CCDC33: variants seen among roughly 807,000 people sequenced by gnomAD.
CCDC33 encodes the protein coiled-coil domain containing 33.
A neutral mutation model predicts 91.9 loss-of-function variants in CCDC33; 94 were observed. The ratio of observed to expected loss-of-function variants is 1.02; its 90% CI spans 0.87 to 1.21. The LOEUF (loss-of-function observed/expected upper bound fraction) is 1.21, where lower values mean the gene tolerates loss of function less well. Among genes scored for constraint, CCDC33 ranks in the 50% most tolerant of loss-of-function variants. The pLI, the probability that CCDC33 is intolerant of heterozygous loss-of-function variation, is 0.00. For synonymous variants in CCDC33, 396 were observed against 374.5 expected (o/e 1.06, Z -0.66); for missense variants, 940 against 935.5 (o/e 1.00, Z -0.06).
intron 11 of CCDC33, among the ~76,000 whole-genome samples, chr15:74,315,392 C>T (rs1476482557): frequency 6.6e-6 from 1 of 152,158 alleles, no homozygotes; most frequent in African/African-American, 2.4e-5. Flanking sequence ...GAGCCAGCCC[C>T]AGGGTCCGGA....
At chr15:74,336,301 A>G (rs557160903), downstream of CCDC33, 582 of 1,407,240 alleles carry the variant, frequency 4.1e-4, 1 homozygote, top group Non-Finnish European at 5.1e-4. Flanking sequence ...CAGTGGACCC[A>G]GGAGGGTGGA....
chr15:74,291,459 G>C (rs1000703928), intron 10 of CCDC33, among the ~76,000 whole-genome samples: 1 of 152,264 alleles, frequency 6.6e-6, no homozygotes, highest in South Asian at 2.1e-4. Flanking sequence ...CCTAATGAGC[G>C]GGATACAGGC....
chr15:74,257,764 C>T (rs906829952), intron 2 of CCDC33, among the ~76,000 whole-genome samples: 1 of 152,220 alleles, frequency 6.6e-6, no homozygotes, highest in Non-Finnish European at 1.5e-5. Context: ...ACACAGGAAC[C>T]CAGACTTTGG....
At chr15:74,272,026 C>G (rs1370472040) in intron 6 of CCDC33, among the ~76,000 whole-genome samples, 3 of 152,210 alleles carry the variant, frequency 2.0e-5, no homozygotes, top group Non-Finnish European at 2.9e-5. Context: ...CAGCTCAGTC[C>G]TCTCCTGAGA....
chr15:74,271,802 G>A lies in CCDC33; in HGVS notation c.638+8G>A. On this transcript the variant is annotated splice_region_variant and intron_variant, in intron 6 of 18. Coordinates refer to ENST00000398814, the MANE Select transcript of CCDC33 (RefSeq NM_025055.5). The stretch of plus-strand genomic sequence containing the variant: ...CAACTACAAGGAATTTAAGTGAGTG[G>A]GGCCCAGGTGGACCTGGGTGAGGAG... 1 of 1,611,810 alleles carries A rather than the reference G, an allele frequency of 6.2e-7. No individual in the cohort carries two copies. The highest frequency in any genetic ancestry group is 1.1e-5 in the South Asian group (1 of 90,954).
intron 10 of CCDC33, among the ~76,000 whole-genome samples, chr15:74,292,205 G>A (rs1358033104): frequency 6.6e-6 from 1 of 152,216 alleles, no homozygotes; most frequent in Non-Finnish European, 1.5e-5. Flanking sequence ...AGGAGAGCGA[G>A]GCAAGGCTGG....
chr15:74,222,474 C>T (rs1415151843), intron 2 of CCDC33, among the ~76,000 whole-genome samples: 1 of 151,538 alleles, frequency 6.6e-6, no homozygotes, highest in Non-Finnish European at 1.5e-5. Context: ...GAAACGATTT[C>T]GTTTCCCAGG....
intron 10 of CCDC33, among the ~76,000 whole-genome samples, chr15:74,285,573 T>C (rs1202620533): frequency 6.6e-6 from 1 of 151,956 alleles, no homozygotes; most frequent in Non-Finnish European, 1.5e-5. Flanking sequence ...CCCCCGAGGC[T>C]GCAGGGCGAC....
chr15:74,311,317 C>T (rs1224676746), intron 11 of CCDC33, among the ~76,000 whole-genome samples: 1 of 152,126 alleles, frequency 6.6e-6, no homozygotes, highest in Non-Finnish European at 1.5e-5. Context: ...TGTGTTCTCT[C>T]CTGGCCTGGG....
intron 11 of CCDC33, among the ~76,000 whole-genome samples, chr15:74,322,790 T>A (rs180945761): frequency 2.0e-5 from 3 of 152,286 alleles, no homozygotes; most frequent in Non-Finnish European, 2.9e-5. Flanking sequence ...GCAAACCACA[T>A]GCAGATGGCC....
At chr15:74,214,956 C>A (rs1446764646), upstream of CCDC33, among the ~76,000 whole-genome samples, 1 of 152,250 alleles carries the variant, frequency 6.6e-6, no homozygotes, top group African/African-American at 2.4e-5. Flanking sequence ...AGGCACCTAT[C>A]CCTCGCCCAG....
Position 74,206,958 on chromosome 15 carries a change from T to C in CCDC33, n.90-2430T>C, listed in dbSNP as rs1445794295. 2.6e-5 allele frequency among the ~76,000 whole-genome samples: 4 copies of C among 152,184 alleles called. No individual in the cohort carries two copies. The East Asian group carries it at 7.7e-4, about 29-fold the overall frequency. On this transcript the variant is annotated intron_variant and non_coding_transcript_variant, in intron 1 of 3. Coordinates refer to the CCDC33 transcript ENST00000558645. ...GCGGGTGGCTAAGCCCTGCTCACTA[T>C]GGGAGGAGGTCCTAAAAAGCTTCTG...
At chr15:74,243,668 C>A (rs1157403174) in intron 1 of CCDC33, 3 of 466,962 alleles carry the variant, frequency 6.4e-6, no homozygotes, top group Non-Finnish European at 1.3e-5. Context: ...CAGAGGAGGC[C>A]ACTCAGGGCC....
At chr15:74,207,908 C>T in intron 1 of CCDC33, 1 of 1,483,892 alleles carries the variant, frequency 6.7e-7, no homozygotes, top group Non-Finnish European at 9.0e-7. Flanking sequence ...GGCTGCCGTG[C>T]TCACGGCAGG....
intron 8 of CCDC33, 35 bp downstream of exon 8, chr15:74,280,127 T>C: frequency 6.2e-7 from 1 of 1,612,126 alleles, no homozygotes; most frequent in Non-Finnish European, 8.5e-7. Flanking sequence ...AGGGCAGCCA[T>C]GCCTCAGGAG....
At chr15:74,233,111 G>A (rs568535526), upstream of CCDC33, among the ~76,000 whole-genome samples, 14 of 152,264 alleles carry the variant, frequency 9.2e-5, no homozygotes, top group South Asian at 1.2e-3. Context: ...CATCCCGGAG[G>A]CCTTCCTCGA....
At chr15:74,237,086 C>T (rs747814208) in intron 1 of CCDC33, among the ~76,000 whole-genome samples, 7 of 152,368 alleles carry the variant, frequency 4.6e-5, no homozygotes, top group Non-Finnish European at 7.3e-5. Context: ...AGGAGATTCC[C>T]AGGCTGCTGG....
intron 11 of CCDC33, among the ~76,000 whole-genome samples, chr15:74,297,826 C>G (rs1309608259): frequency 1.3e-5 from 2 of 152,226 alleles, no homozygotes; most frequent in Non-Finnish European, 2.9e-5. Context: ...GTGGAGGGCT[C>G]AGAGCAACCT....
intron 7 of CCDC33, among the ~76,000 whole-genome samples, chr15:74,273,233 T>G (rs1479946615): frequency 6.6e-6 from 1 of 152,032 alleles, no homozygotes; most frequent in Non-Finnish European, 1.5e-5. Context: ...ATACCTAGAA[T>G]AGGAAAATTC....
Sources: allele counts gnomAD v4.1 joint callset (sites outside exome capture counted in the v4.1 genomes callset), GRCh38; gene constraint gnomAD v4.1.1; transcripts MANE v1.5; gene names NCBI Gene and HGNC (gene_info 2026-07-23, HGNC 2026-07-21).